Variants in DDI2 observed in about 807,000 individuals in gnomAD.
DDI2 encodes protein DDI1 homolog 2.
DDI2 carries 5 observed loss-of-function variants against 48.1 expected under a neutral mutation model. That is an observed-to-expected ratio of 0.10 (90% confidence interval 0.05 to 0.22). DDI2 has a LOEUF of 0.22. DDI2 is among the 10% of genes least tolerant of loss of function. DDI2 has a pLI of 1.00. For synonymous variants in DDI2, 205 were observed against 183.6 expected (o/e 1.12, Z -0.94); for missense variants, 285 against 506.2 (o/e 0.56, Z 4.19).
chr1:15,656,488 C>A, intron 8 of DDI2, 129 bp from the exon 9 acceptor site: 1 of 1,582,368 alleles, frequency 6.3e-7, no homozygotes, highest in South Asian at 1.2e-5. Flanking sequence ...ACTACAGAAA[C>A]ATCCCTCAAC....
intron 1 of DDI2, among the ~76,000 whole-genome samples, chr1:15,625,907 G>A (rs543929768): frequency 7.2e-5 from 11 of 152,336 alleles, no homozygotes; most frequent in Non-Finnish European, 1.6e-4. Context: ...GTGAGCCAGC[G>A]TGCCCGGCCC....
Position 15,617,633 on chromosome 1 carries a change from C to A in DDI2, c.-38C>A. On this transcript the variant is annotated 5_prime_UTR_variant, in exon 1 of 10. Transcript: ENST00000480945. ...TCTTCCCCTGCGCCCCGCGCCCAGG[C>A]CGGGCCGAGCCGAGCCGAGCCGGGT... 7.5e-7 allele frequency: 1 copy of A among 1,332,486 alleles called. No individual in the cohort carries two copies. Among genetic ancestry groups the A allele is most frequent in the Non-Finnish European group, 9.7e-7 (1 of 1,030,706 alleles). 82.5% of individuals were successfully genotyped at this position (1,332,486 alleles called of 1,614,324 possible).
At chr1:15,629,113 T>A (rs1043636212) in intron 2 of DDI2, among the ~76,000 whole-genome samples, 3 of 152,204 alleles carry the variant, frequency 2.0e-5, no homozygotes, top group Non-Finnish European at 4.4e-5. Flanking sequence ...CAAGTCCCTT[T>A]TCTTCTTTCT....
chr1:15,619,586 C>T lies in DDI2; in HGVS notation c.138+1778C>T, dbSNP rs186302256. ...GTGCCATTCTCCTGCCTCAGCCTCC[C>T]GAGTAGCTGGGACTACAGGCGCCCA... On this transcript the variant is annotated intron_variant, in intron 1 of 9. Coordinates refer to ENST00000480945, the MANE Select transcript of DDI2 (RefSeq NM_032341.5). Among the ~76,000 whole-genome samples the T allele has an allele frequency of 8.8e-3, 1,325 of 150,896 alleles. 18 individuals are homozygous for T. The highest frequency in any genetic ancestry group is 0.03 in the African/African-American group (1,215 of 41,054).
chr1:15,631,192 A>G (rs910688624), intron 3 of DDI2, among the ~76,000 whole-genome samples: 4 of 144,772 alleles, frequency 2.8e-5, no homozygotes, highest in African/African-American at 7.7e-5. Context: ...GAGATCATCA[A>G]CAAGCCAGCT....
At chr1:15,642,751 C>A (rs1640030139) in intron 5 of DDI2, among the ~76,000 whole-genome samples, 1 of 152,164 alleles carries the variant, frequency 6.6e-6, no homozygotes, top group Admixed American at 6.5e-5. Context: ...TGGTAAAACC[C>A]CATCTCTACT....
intron 5 of DDI2, among the ~76,000 whole-genome samples, chr1:15,639,933 G>T (rs1378714729): frequency 6.6e-6 from 1 of 151,980 alleles, no homozygotes; most frequent in Non-Finnish European, 1.5e-5. Flanking sequence ...ACCTGAGCCT[G>T]TGGTGACGGC....
At chr1:15,656,310 C>G in intron 8 of DDI2, 1 of 847,432 alleles carries the variant, frequency 1.2e-6, no homozygotes, top group South Asian at 2.3e-5. Flanking sequence ...CTAATTCGAT[C>G]AGGTGGATCT....
rs1289251243 is a variant in DDI2, at chr1:15,668,065, CAAG to C, written c.*8279_*8281del. ...CAGAACTAGGTTTCTTTATGTTCTG[CAAG>C]AAGGTTTTTATTAGCTAATTTGGGG... On this transcript the variant is annotated 3_prime_UTR_variant, in exon 10 of 10. Transcript: ENST00000480945. 38 of 151,924 alleles carry C rather than the reference CAAG, an allele frequency of 2.5e-4. No individual in the cohort carries two copies. Among genetic ancestry groups the C allele is most frequent in the Admixed American group, 2.3e-3 (35 of 15,252 alleles). The allele number at this position is 151,924 out of a possible 1,614,324, so 9.4% of individuals were successfully genotyped here.
rs72876734 is a variant in DDI2, at chr1:15,638,976, G to T, written c.760+542G>T. Among the ~76,000 whole-genome samples, 880 of 152,152 alleles carry T rather than the reference G, an allele frequency of 5.8e-3. 9 individuals carry two copies. Among genetic ancestry groups the T allele is most frequent in the African/African-American group, 0.02 (827 of 41,482 alleles). ...CATCCTGAATTTCTTGGATGTTTCTGTAAAAAACTGGGAATACATAGGTTT... is the reference window on the plus strand; with the variant it reads ...CATCCTGAATTTCTTGGATGTTTCTTTAAAAAACTGGGAATACATAGGTTT... On this transcript the variant is annotated intron_variant, in intron 5 of 9. Coordinates refer to ENST00000480945, the MANE Select transcript of DDI2 (RefSeq NM_032341.5).
chr1:15,626,820 CA>C (rs1462594231), intron 2 of DDI2, 22 bp downstream of exon 2: 71 of 1,613,886 alleles, frequency 4.4e-5, no homozygotes, highest in Non-Finnish European at 5.9e-5. Context: ...GGTGGTTGAG[CA>C]TCCCCCAGCA....
At chr1:15,652,447 G>GA (rs1640202770) in intron 8 of DDI2, among the ~76,000 whole-genome samples, 2 of 29,432 alleles carry the variant, frequency 6.8e-5, no homozygotes, top group African/African-American at 3.9e-4. Context: ...GGGAGGCTCC[G>GA]GAGGGGGGGG....
chr1:15,639,797 A>G (rs1344312734), intron 5 of DDI2, among the ~76,000 whole-genome samples: 1 of 152,072 alleles, frequency 6.6e-6, no homozygotes, highest in Non-Finnish European at 1.5e-5. Context: ...GCTTGAGCCC[A>G]GGAGTTTTGA....
In DDI2 at chr1:15,661,745, G is replaced by A. The variant is rs779520463; in HGVS notation, c.*1955G>A. The stretch of plus-strand genomic sequence containing the variant: ...TGACTGTGGGAAAGTGGGCTAGACC[G>A]TTCTCCATTCCCTTTAAACAAAAGA... On this transcript the variant is annotated 3_prime_UTR_variant, in exon 10 of 10. Transcript: ENST00000480945. 17 of 1,578,682 alleles carry A rather than the reference G, an allele frequency of 1.1e-5. No homozygotes were observed. The Middle Eastern group carries it at 6.8e-4, about 63-fold the overall frequency.
In DDI2 at chr1:15,663,188, A is replaced by G. The variant is rs1042301128; in HGVS notation, c.*3398A>G. 4 of 152,224 alleles carry G rather than the reference A, an allele frequency of 2.6e-5. No homozygotes were observed. Among genetic ancestry groups the G allele is most frequent in the Admixed American group, 6.5e-5 (1 of 15,282 alleles). 9.4% of individuals were successfully genotyped at this position (152,224 alleles called of 1,614,324 possible). A position where few individuals can be genotyped will look rare whatever the true frequency, so the allele number is the denominator to read the frequency against. On this transcript the variant is annotated 3_prime_UTR_variant, in exon 10 of 10. Transcript: ENST00000480945. ...TAACATGTTTGAAACAGAAGCTTCG[A>G]AAGAGTGATTTCTCAACTTAGTGTT...
At chr1:15,642,217 A>G (rs1163234182) in intron 5 of DDI2, among the ~76,000 whole-genome samples, 1 of 152,128 alleles carries the variant, frequency 6.6e-6, no homozygotes, top group Non-Finnish European at 1.5e-5. Context: ...CTAGAGTTTC[A>G]GGGAGAAATT....
chr1:15,633,372 G>A (rs1030143287), intron 3 of DDI2, 67 bp from the exon 4 acceptor site: 2 of 1,563,298 alleles, frequency 1.3e-6, no homozygotes, highest in Non-Finnish European at 8.7e-7. Flanking sequence ...ATTGTTTGGT[G>A]TGGAAAAGTA....
At position 15,660,550 on chromosome 1, in the gene DDI2, C is replaced by G. The variant is rs773642494; in HGVS notation, c.*760C>G. ...TGGGCTCCCACAGAATGTGGATCCT[C>G]CAAGTGCGAAGAAAAGTATTCCATC... On this transcript the variant is annotated 3_prime_UTR_variant, in exon 10 of 10. Transcript: ENST00000480945. 6.2e-7 allele frequency: 1 copy of G among 1,613,248 alleles called. No homozygotes were observed. Among genetic ancestry groups the G allele is most frequent in the South Asian group, 1.1e-5 (1 of 90,804 alleles).
Position 15,661,711 on chromosome 1 carries a change from G to A in DDI2, c.*1921G>A, listed in dbSNP as rs759542217. ...TGTTTTGCTCGCAAAAAACATCGTA[G>A]TTCCTACATGACTGTGGGAAAGTGG... On this transcript the variant is annotated 3_prime_UTR_variant, in exon 10 of 10. Coordinates refer to ENST00000480945, the MANE Select transcript of DDI2 (RefSeq NM_032341.5). 7.5e-6 allele frequency: 12 copies of A among 1,609,346 alleles called. No homozygotes were observed. Among genetic ancestry groups the A allele is most frequent in the Non-Finnish European group, 8.5e-6 (10 of 1,176,988 alleles).
Sources: gnomAD v4.1 joint callset for allele counts (sites outside exome capture counted in the v4.1 genomes callset) on GRCh38, gnomAD v4.1.1 for gene constraint, MANE v1.5 for transcripts, NCBI Gene and HGNC (gene_info 2026-07-23, HGNC 2026-07-21) for gene names.